The following POU6F2 variants were observed in gnomAD, a reference collection of about 807,000 sequenced individuals.
The protein encoded by POU6F2 is POU class 6 homeobox 2.
POU6F2 carries 31 observed loss-of-function variants against 71.3 expected under a neutral mutation model. The ratio of observed to expected loss-of-function variants is 0.43; its 90% CI spans 0.33 to 0.59. The LOEUF (loss-of-function observed/expected upper bound fraction) is 0.59. Ranked by LOEUF, POU6F2 falls within the 20% of genes least tolerant of loss-of-function variation. The pLI is 0.04. For synonymous variants in POU6F2, 347 were observed against 355.7 expected, an observed-to-expected ratio of 0.98 and a Z score of 0.27; for missense variants, 783 against 856.8, an observed-to-expected ratio of 0.91 and a Z score of 1.07.
intron 2 of POU6F2, among the ~76,000 whole-genome samples, chr7:39,089,227 AG>A (rs1791315317): frequency 6.6e-6 from 1 of 152,242 alleles, no homozygotes; most frequent in Non-Finnish European, 1.5e-5. Context: ...ACATGTGGTT[AG>A]GTAGTTCTCT....
Position 39,451,601 on chromosome 7 carries a change from C to T in POU6F2, c.1389C>T (p.His463=). 1 of 1,613,776 alleles carries T rather than the reference C, an allele frequency of 6.2e-7. No individual in the cohort carries two copies. Among genetic ancestry groups the T allele is most frequent in the Non-Finnish European group, 8.5e-7 (1 of 1,179,762 alleles). The change falls in exon 8 of 10, where the codon CAC becomes CAT. Residue 463 remains histidine (H), a synonymous_variant. Coordinates refer to ENST00000518318, the MANE Select transcript of POU6F2 (RefSeq NM_001370959.1). ...AAGGCAACCTTCTGCACCTGGCTCA[C>T]AGCCAAGCATCCATGTCTCAAAGTC... ...ASQGNLLHLA[H]SQASMSQSPV...
At chr7:39,116,918 G>A (rs567648195) in intron 2 of POU6F2, among the ~76,000 whole-genome samples, 7 of 152,178 alleles carry the variant, frequency 4.6e-5, no homozygotes, top group Non-Finnish European at 7.4e-5. Context: ...CAATAAGTCA[G>A]ACAGGCACTA....
At chr7:39,276,515 C>G (rs62455872) in intron 4 of POU6F2, among the ~76,000 whole-genome samples, 112,141 of 148,448 alleles carry the variant, frequency 0.76, 42,417 homozygotes, top group Middle Eastern at 0.85. Flanking sequence ...GGATCTAGAA[C>G]TAGAAATACC....
intron 1 of POU6F2, among the ~76,000 whole-genome samples, chr7:39,010,078 G>A (rs1437817041): frequency 2.3e-5 from 3 of 128,988 alleles, no homozygotes; most frequent in Non-Finnish European, 5.1e-5. Context: ...CTATTGATTG[G>A]AATAGTTTCA....
At chr7:39,078,964 C>A (rs974011185) in intron 1 of POU6F2, among the ~76,000 whole-genome samples, 1 of 152,086 alleles carries the variant, frequency 6.6e-6, no homozygotes, top group Non-Finnish European at 1.5e-5. Context: ...CCCACAGCAT[C>A]CCCTACAGCA....
chr7:39,157,369 T>A (rs960238458), intron 2 of POU6F2, among the ~76,000 whole-genome samples: 2 of 152,176 alleles, frequency 1.3e-5, no homozygotes, highest in African/African-American at 4.8e-5. Context: ...TCTTTTTTTT[T>A]AATTTTGTAA....
At chr7:39,434,731 G>C (rs750033491) in intron 7 of POU6F2, among the ~76,000 whole-genome samples, 6 of 151,884 alleles carry the variant, frequency 4.0e-5, no homozygotes, top group Non-Finnish European at 7.4e-5. Flanking sequence ...ATAGGTATAT[G>C]TGTGCCATGG....
intron 5 of POU6F2, among the ~76,000 whole-genome samples, chr7:39,348,128 C>G (rs1451992892): frequency 4.9e-5 from 7 of 143,788 alleles, no homozygotes; most frequent in Non-Finnish European, 9.3e-5. Flanking sequence ...ATAATAAACT[C>G]TTGAGAAAAC....
intron 4 of POU6F2, among the ~76,000 whole-genome samples, chr7:39,296,059 A>T (rs1240986057): frequency 1.3e-5 from 2 of 152,238 alleles, no homozygotes; most frequent in African/African-American, 4.8e-5. Context: ...GCAAAGTCAC[A>T]TCATAGATTT....
intron 3 of POU6F2, 23 bp downstream of exon 3, chr7:39,204,349 C>A (rs745391070): frequency 1.9e-6 from 3 of 1,579,054 alleles, no homozygotes; most frequent in Non-Finnish European, 2.6e-6. Context: ...CAACTGCTTT[C>A]CACTGGGCTG....
chr7:39,356,724 T>A (rs927957253), intron 5 of POU6F2, among the ~76,000 whole-genome samples: 3 of 152,192 alleles, frequency 2.0e-5, no homozygotes, highest in African/African-American at 7.2e-5. Context: ...AAGATAACGA[T>A]GACTAATGAA....
intron 5 of POU6F2, among the ~76,000 whole-genome samples, chr7:39,398,580 A>G (rs540325960): frequency 3.4e-5 from 5 of 149,220 alleles, no homozygotes; most frequent in Non-Finnish European, 7.4e-5. Context: ...AGGGAATGCT[A>G]TGTAGATAAG....
rs1784294934 is a variant in POU6F2 at position 39,268,791 on chromosome 7, C to T, written c.598+61171C>T. ...CACATTACATTTTCCAGGAATGCAA[C>T]CACCCTTGACATCAGGAGAGGGCTA... On this transcript the variant is annotated intron_variant, in intron 4 of 9. Coordinates refer to ENST00000518318, the MANE Select transcript of POU6F2 (RefSeq NM_001370959.1). Among the ~76,000 whole-genome samples, 4 of 152,202 alleles carry T rather than the reference C, an allele frequency of 2.6e-5. No individual in the cohort carries two copies. The South Asian group carries it at 6.2e-4, about 24-fold the overall frequency.
chr7:39,205,716 C>T (rs1222513985), intron 3 of POU6F2, among the ~76,000 whole-genome samples: 2 of 152,114 alleles, frequency 1.3e-5, no homozygotes, highest in Non-Finnish European at 2.9e-5. Flanking sequence ...GTGAATTTAG[C>T]AAAGTGCACA....
chr7:39,368,540 A>T (rs534074497), intron 5 of POU6F2, among the ~76,000 whole-genome samples: 13 of 152,248 alleles, frequency 8.5e-5, no homozygotes, highest in Non-Finnish European at 1.3e-4. Context: ...TCTAGCTAAG[A>T]TCATTGATGA....
chr7:39,022,695 C>T (rs749439642), intron 1 of POU6F2, among the ~76,000 whole-genome samples: 3 of 152,032 alleles, frequency 2.0e-5, no homozygotes, highest in East Asian at 1.9e-4. Context: ...TTGGGACTTT[C>T]CCCCGCTTTT....
intron 2 of POU6F2, among the ~76,000 whole-genome samples, chr7:39,097,761 GA>G (rs1791483956): frequency 6.6e-6 from 1 of 152,158 alleles, no homozygotes; most frequent in Admixed American, 6.6e-5. Context: ...CTCACCCACT[GA>G]AAGGTATACT....
rs747179255 is a variant in POU6F2 at position 38,977,934 on chromosome 7, G to T, written c.-20G>T. ...CCCTTGCTTTTGGTGATGGTTGTGA[G>T]TGCAGAAGTTGATTGACAGATGCAT... On this transcript the variant is annotated 5_prime_UTR_variant, in exon 1 of 10. Coordinates refer to ENST00000518318, the MANE Select transcript of POU6F2 (RefSeq NM_001370959.1). 1.3e-5 allele frequency: 2 copies of T among 152,312 alleles called. No individual in the cohort carries two copies. Among genetic ancestry groups the T allele is most frequent in the Non-Finnish European group, 2.9e-5 (2 of 68,072 alleles). 9.4% of individuals were successfully genotyped at this position (152,312 alleles called of 1,614,324 possible).
intron 2 of POU6F2, among the ~76,000 whole-genome samples, chr7:39,149,601 A>G (rs1445962230): frequency 6.6e-6 from 1 of 152,226 alleles, no homozygotes; most frequent in Non-Finnish European, 1.5e-5. Context: ...CTCACGTTGT[A>G]CATCAGGTCT....
Sources: gnomAD v4.1 joint callset for allele counts (sites outside exome capture counted in the v4.1 genomes callset) on GRCh38, gnomAD v4.1.1 for gene constraint, MANE v1.5 for transcripts, NCBI Gene and HGNC (gene_info 2026-07-23, HGNC 2026-07-21) for gene names.